Variants in LMCD1 observed in about 807,000 individuals in gnomAD.
LMCD1 encodes LIM and cysteine-rich domains protein 1.
Under a neutral mutation model 42.7 loss-of-function variants are expected in LMCD1, and 32 were observed. That is an observed-to-expected ratio of 0.75 (90% CI 0.57 to 1.01). LMCD1 has a LOEUF of 1.01. Ranked by LOEUF, LMCD1 falls within the 50% of genes least tolerant of loss-of-function variation. The pLI is 0.00. For missense variants in LMCD1, 458 were observed against 483.1 expected (o/e 0.95, Z 0.49); for synonymous variants, 178 against 184.9 (o/e 0.96, Z 0.30).
At chr3:8,560,468 A>C (rs189366086) in intron 4 of LMCD1, among the ~76,000 whole-genome samples, 5 of 152,046 alleles carry the variant, frequency 3.3e-5, no homozygotes, top group Admixed American at 1.3e-4. Context: ...CCCTACTTTC[A>C]TGTCAATTCA....
At chr3:8,542,868 G>A (rs1032508872) in intron 3 of LMCD1, among the ~76,000 whole-genome samples, 2 of 152,188 alleles carry the variant, frequency 1.3e-5, no homozygotes, top group Non-Finnish European at 1.5e-5. Context: ...ATGGGTTAAC[G>A]TGTGTGAAGC....
At chr3:8,510,984 A>C (rs917310364) in intron 1 of LMCD1, among the ~76,000 whole-genome samples, 10 of 152,350 alleles carry the variant, frequency 6.6e-5, no homozygotes, top group Non-Finnish European at 7.4e-5. Flanking sequence ...ATATATGCAC[A>C]CACATACAGC....
At chr3:8,515,935 G>A (rs190927897) in intron 1 of LMCD1, among the ~76,000 whole-genome samples, 458 of 152,192 alleles carry the variant, frequency 3.0e-3, no homozygotes, top group Middle Eastern at 3.4e-3. Context: ...AGGAGACTTC[G>A]TGGTAGCATT....
At chr3:8,553,539 G>C (rs1459102287) in intron 4 of LMCD1, among the ~76,000 whole-genome samples, 1 of 152,192 alleles carries the variant, frequency 6.6e-6, no homozygotes, top group Non-Finnish European at 1.5e-5. Context: ...CAGTTACACA[G>C]ATCTGAACAC....
chr3:8,566,503 A>G (rs1695135087), intron 5 of LMCD1, among the ~76,000 whole-genome samples: 1 of 152,202 alleles, frequency 6.6e-6, no homozygotes. Flanking sequence ...AGTGATATTA[A>G]GAAGGAAAAG....
intron 4 of LMCD1, among the ~76,000 whole-genome samples, chr3:8,561,222 A>G (rs989268018): frequency 6.6e-6 from 1 of 152,218 alleles, no homozygotes; most frequent in African/African-American, 2.4e-5. Flanking sequence ...AGGCTCAGCA[A>G]ACACTTTCTT....
At chr3:8,533,918 G>T (rs145573193) in intron 2 of LMCD1, among the ~76,000 whole-genome samples, 2 of 151,774 alleles carry the variant, frequency 1.3e-5, no homozygotes, top group South Asian at 2.1e-4. Flanking sequence ...AGAGGAGCTC[G>T]CACCGTCTTC....
At chr3:8,504,684 G>A (rs920459867) in intron 1 of LMCD1, among the ~76,000 whole-genome samples, 10 of 152,136 alleles carry the variant, frequency 6.6e-5, no homozygotes, top group Non-Finnish European at 4.4e-5. Context: ...TTCTTTCTAA[G>A]TAAAATGCTT....
intron 1 of LMCD1, among the ~76,000 whole-genome samples, chr3:8,505,915 A>C (rs1401612001): frequency 6.6e-6 from 1 of 152,246 alleles, no homozygotes; most frequent in African/African-American, 2.4e-5. Context: ...TGGCTCTCTC[A>C]ATCTTAAAAA....
At chr3:8,565,999 G>A (rs553426262) in intron 5 of LMCD1, among the ~76,000 whole-genome samples, 1 of 152,100 alleles carries the variant, frequency 6.6e-6, no homozygotes, top group Non-Finnish European at 1.5e-5. Flanking sequence ...ACCTAACTCC[G>A]GAGCCTCAGC....
chr3:8,510,166 T>C (rs1399954032), intron 1 of LMCD1, among the ~76,000 whole-genome samples: 2 of 152,182 alleles, frequency 1.3e-5, no homozygotes, highest in African/African-American at 4.8e-5. Flanking sequence ...TACTGATTCA[T>C]GAGGCTGACC....
chr3:8,507,367 T>C (rs1353556680), intron 1 of LMCD1, among the ~76,000 whole-genome samples: 1 of 152,212 alleles, frequency 6.6e-6, no homozygotes, highest in Non-Finnish European at 1.5e-5. Context: ...GATGCAGAAA[T>C]TGTGTTTTCA....
chr3:8,521,983 C>A (rs1161973349), intron 1 of LMCD1, among the ~76,000 whole-genome samples: 1 of 152,088 alleles, frequency 6.6e-6, no homozygotes, highest in African/African-American at 2.4e-5. Context: ...CCCAACCCCT[C>A]AAAAGGAAGC....
At chr3:8,555,594 T>C (rs1318921515) in intron 4 of LMCD1, among the ~76,000 whole-genome samples, 3 of 152,040 alleles carry the variant, frequency 2.0e-5, no homozygotes, top group Non-Finnish European at 2.9e-5. Context: ...TGCTTTGCAG[T>C]GGAGATACTT....
chr3:8,527,623 C>T (rs1363437518), intron 1 of LMCD1, among the ~76,000 whole-genome samples: 1 of 152,124 alleles, frequency 6.6e-6, no homozygotes, highest in Non-Finnish European at 1.5e-5. Context: ...GTCATGTTGA[C>T]CAATAATCTT....
At chr3:8,523,302 A>G (rs772785760) in intron 1 of LMCD1, among the ~76,000 whole-genome samples, 4 of 152,210 alleles carry the variant, frequency 2.6e-5, no homozygotes, top group Non-Finnish European at 5.9e-5. Flanking sequence ...ATGCCCAAGG[A>G]GCAACCCTGG....
At chr3:8,566,078 G>T (rs950243242) in intron 5 of LMCD1, among the ~76,000 whole-genome samples, 1 of 152,212 alleles carries the variant, frequency 6.6e-6, no homozygotes, top group African/African-American at 2.4e-5. Context: ...TGGCTATGAG[G>T]ATAGATGAGA....
At chr3:8,525,385 G>A (rs1694280956) in intron 1 of LMCD1, among the ~76,000 whole-genome samples, 1 of 152,112 alleles carries the variant, frequency 6.6e-6, no homozygotes, top group Non-Finnish European at 1.5e-5. Context: ...TTTTGAGGCT[G>A]AATATTATTC....
chr3:8,540,396 A>G (rs987743488), intron 3 of LMCD1, among the ~76,000 whole-genome samples: 1 of 152,346 alleles, frequency 6.6e-6, no homozygotes, highest in Non-Finnish European at 1.5e-5. Context: ...TCATCTAATT[A>G]TCCAGCACTG....
Sources: allele counts gnomAD v4.1 joint callset (sites outside exome capture counted in the v4.1 genomes callset), GRCh38; gene constraint gnomAD v4.1.1; transcripts MANE v1.5; gene names NCBI Gene and HGNC (gene_info 2026-07-23, HGNC 2026-07-21).